The following CNKSR2 variants were observed in gnomAD, a reference collection of about 807,000 sequenced individuals.
The protein encoded by CNKSR2 is CNK homolog protein 2.
In CNKSR2, 14 loss-of-function variants were observed where a neutral mutation model predicts 84.4. The observed-to-expected ratio is 0.17, with a 90% CI of 0.11 to 0.26. CNKSR2 has a LOEUF of 0.26. Among genes scored for constraint, CNKSR2 ranks in the 10% least tolerant of loss-of-function variants. CNKSR2 has a pLI of 1.00. For synonymous variants in CNKSR2, 275 were observed against 277.9 expected (o/e 0.99, Z 0.10); for missense variants, 485 against 771.2 (o/e 0.63, Z 4.40).
At chrX:21,640,672 ATAC>A (rs2092688927) in intron 20 of CNKSR2, among the ~76,000 whole-genome samples, 1 of 111,881 alleles carries the variant, frequency 8.9e-6, no homozygotes, top group Non-Finnish European at 1.9e-5. Flanking sequence ...GACTCAAAAG[ATAC>A]TACAAGATGT....
At chrX:21,450,465 C>T (rs1264327020) in intron 4 of CNKSR2, among the ~76,000 whole-genome samples, 1 of 111,145 alleles carries the variant, frequency 9.0e-6, no homozygotes, top group Non-Finnish European at 1.9e-5. Context: ...CCATTTTTTA[C>T]AAGAAAATGC....
chrX:21,375,606 G>A (rs1014027937), intron 1 of CNKSR2, among the ~76,000 whole-genome samples: 12 of 112,181 alleles, frequency 1.1e-4, no homozygotes, highest in Admixed American at 8.4e-4. Flanking sequence ...TCTCTGGGCT[G>A]CCTCCAGCGC....
chrX:21,448,597 G>A (rs1393627498), intron 4 of CNKSR2, among the ~76,000 whole-genome samples: 1 of 111,659 alleles, frequency 9.0e-6, no homozygotes, highest in African/African-American at 3.3e-5. Context: ...TTAGGTTGGT[G>A]CAAAAGTAAT....
chrX:21,542,006 A>G (rs2091981155), intron 11 of CNKSR2, among the ~76,000 whole-genome samples: 1 of 112,078 alleles, frequency 8.9e-6, no homozygotes, highest in African/African-American at 3.2e-5. Context: ...CTGATTTTAT[A>G]TGTTCTTGTG....
chrX:21,562,829 G>A (rs753216711), intron 12 of CNKSR2, among the ~76,000 whole-genome samples: 1 of 110,804 alleles, frequency 9.0e-6, no homozygotes, highest in South Asian at 3.8e-4. Flanking sequence ...GCCACGGGCC[G>A]GTGTTTGTTA....
At chrX:21,491,781 T>C (rs1471174105) in intron 6 of CNKSR2, 1 of 112,123 alleles carries the variant, frequency 8.9e-6, no homozygotes, top group African/African-American at 3.2e-5. Context: ...TTATTCCTTT[T>C]AGTTACATCT....
chrX:21,590,706 T>C, intron 14 of CNKSR2, 86 bp downstream of exon 14: 1 of 989,859 alleles, frequency 1.0e-6, no homozygotes, highest in Non-Finnish European at 1.4e-6. Context: ...CTTTCTTGCC[T>C]GAGCCCAGTG....
chrX:21,592,179 C>T (rs1488530541), intron 15 of CNKSR2: 1 of 111,916 alleles, frequency 8.9e-6, no homozygotes, highest in East Asian at 2.8e-4. Flanking sequence ...ACCTGAGTTA[C>T]TGTGCCATAG....
intron 1 of CNKSR2, among the ~76,000 whole-genome samples, chrX:21,413,443 G>A (rs1044107016): frequency 9.0e-6 from 1 of 110,656 alleles, no homozygotes; most frequent in African/African-American, 3.3e-5. Context: ...TATCCTTTGT[G>A]TTACAAACAA....
In CNKSR2 at chrX:21,490,759, G is replaced by C. The variant is rs189353924; in HGVS notation, c.681+181G>C. ...GATGCATGATAAGAAGTTTTATGAA[G>C]ATAAATGAAAATGAAGGAGAATTGA... is the stretch of plus-strand genomic sequence containing the variant. On this transcript the variant is annotated intron_variant, in intron 6 of 21. Transcript: ENST00000379510. The C allele has an allele frequency of 2.2e-3, 705 of 316,192 alleles. 3 individuals are homozygous for C. The highest frequency in any genetic ancestry group is 0.016 in the African/African-American group (601 of 36,761). The allele number at this position is 316,192 out of a possible 1,213,427, so 26.1% of individuals were successfully genotyped here.
At chrX:21,435,342 T>C (rs759439471) in intron 3 of CNKSR2, among the ~76,000 whole-genome samples, 1 of 111,503 alleles carries the variant, frequency 9.0e-6, no homozygotes, top group Non-Finnish European at 1.9e-5. Context: ...ATATTTTTGA[T>C]AACATTGCAA....
rs912893013 is a variant in CNKSR2, at chrX:21,527,121, A to G, written c.1091+121A>G. On this transcript the variant is annotated intron_variant, in intron 10 of 21. Coordinates refer to ENST00000379510, the MANE Select transcript of CNKSR2 (RefSeq NM_014927.5). ...TATTTTCTCACAGTTAGGAATTCTG[A>G]ACACATTCTGCAAAATCATTCCCAT... 7.2e-6 allele frequency: 4 copies of G among 556,804 alleles called. No individual in the cohort carries two copies. The African/African-American group carries it at 9.2e-5, about 13-fold the overall frequency. The allele number at this position is 556,804 out of a possible 1,213,427, so 45.9% of individuals were successfully genotyped here. A position where few individuals can be genotyped will look rare whatever the true frequency, so the allele number is the denominator to read the frequency against.
intron 2 of CNKSR2, chrX:21,428,660 C>A (rs1160130078): frequency 1.8e-5 from 2 of 110,646 alleles, no homozygotes; most frequent in Middle Eastern, 4.3e-3. Flanking sequence ...AACGTATGGT[C>A]CTTAATTTGT....
At position 21,652,825 on chromosome X, in the gene CNKSR2, T is replaced by C. The variant is rs1324520732; in HGVS notation, c.*304T>C. On this transcript the variant is annotated 3_prime_UTR_variant, in exon 22 of 22. Transcript: ENST00000379510. ...CAAGTAGTAAAACCACAAAAGGCAG[T>C]TTTCTATCTATGGTCATCTTTTCTC... 1 of 191,317 alleles carries C rather than the reference T, an allele frequency of 5.2e-6. No individual in the cohort carries two copies. Among genetic ancestry groups the C allele is most frequent in the Non-Finnish European group, 9.5e-6 (1 of 105,431 alleles). 15.8% of individuals were successfully genotyped at this position (191,317 alleles called of 1,213,427 possible). A position where few individuals can be genotyped will look rare whatever the true frequency, so the allele number is the denominator to read the frequency against.
chrX:21,630,056 CCTTTTA>C (rs1395982008), intron 20 of CNKSR2, among the ~76,000 whole-genome samples: 1 of 111,575 alleles, frequency 9.0e-6, no homozygotes, highest in African/African-American at 3.3e-5. Context: ...ATTTATTTGT[CCTTTTA>C]CTTTCACTGC....
intron 11 of CNKSR2, among the ~76,000 whole-genome samples, chrX:21,551,343 A>G (rs1006640121): frequency 1.2e-4 from 13 of 112,505 alleles, no homozygotes; most frequent in African/African-American, 3.9e-4. Flanking sequence ...CTGCACATGT[A>G]TCCCAAAACT....
In CNKSR2 at chrX:21,374,519, G is replaced by A. The variant is rs922750038; in HGVS notation, c.-379G>A. On this transcript the variant is annotated 5_prime_UTR_variant, in exon 1 of 22. Coordinates refer to ENST00000379510, the MANE Select transcript of CNKSR2 (RefSeq NM_014927.5). ...GCGTGCGGCAGAGGCTGCTTCCCTC[G>A]GCGACGCGACCCCTCAGCAACTCAA... The A allele has an allele frequency of 9.7e-5, 40 of 411,014 alleles. No individual in the cohort carries two copies. Among genetic ancestry groups the A allele is most frequent in the African/African-American group, 8.9e-4 (35 of 39,464 alleles). The allele number at this position is 411,014 out of a possible 1,213,427, so 33.9% of individuals were successfully genotyped here.
chrX:21,513,572 A>G (rs1601885982), intron 8 of CNKSR2, among the ~76,000 whole-genome samples: 1 of 111,952 alleles, frequency 8.9e-6, no homozygotes, highest in Non-Finnish European at 1.9e-5. Flanking sequence ...GTGGTGGTTC[A>G]TGCCTGTAAT....
intron 5 of CNKSR2, among the ~76,000 whole-genome samples, chrX:21,482,685 G>C (rs898363650): frequency 4.5e-5 from 5 of 112,246 alleles, no homozygotes; most frequent in African/African-American, 9.7e-5. Flanking sequence ...AGCATGCTCA[G>C]TGTCAGTGAT....
Sources: gnomAD v4.1 joint callset for allele counts (sites outside exome capture counted in the v4.1 genomes callset) on GRCh38, gnomAD v4.1.1 for gene constraint, MANE v1.5 for transcripts, NCBI Gene and HGNC (gene_info 2026-07-23, HGNC 2026-07-21) for gene names.